The following IL17D variants were observed in gnomAD, a reference collection of about 807,000 sequenced individuals.
The protein encoded by IL17D is interleukin-17D.
A neutral mutation model predicts 5.7 loss-of-function variants in IL17D; 10 were observed. The ratio of observed to expected loss-of-function variants is 1.75; its 90% confidence interval spans 1.08 to 2.97. IL17D has a LOEUF of 2.97. IL17D is among the 30% of genes most tolerant of loss of function. The pLI is 0.00. For synonymous variants in IL17D, 172 were observed against 141.7 expected (o/e 1.21, Z -1.52); for missense variants, 354 against 292.7 (o/e 1.21, Z -1.53).
chr13:20,709,001 C>G (rs970750488), intron 1 of IL17D, among the ~76,000 whole-genome samples: 2 of 149,838 alleles, frequency 1.3e-5, no homozygotes, highest in African/African-American at 4.9e-5. Context: ...AGAAAAGGAC[C>G]AGTGACATCA....
rs918604752 is a variant in IL17D at position 20,704,078 on chromosome 13, C to T, written c.77C>T (p.Ala26Val). 291 of 1,118,258 alleles carry T rather than the reference C, an allele frequency of 2.6e-4. No homozygotes were observed. The highest frequency in any genetic ancestry group is 2.9e-4 in the Non-Finnish European group (269 of 920,394). 69.3% of individuals were successfully genotyped at this position (1,118,258 alleles called of 1,614,324 possible). A position where few individuals can be genotyped will look rare whatever the true frequency, so the allele number is the denominator to read the frequency against. Residue 26 changes from alanine (A) to valine (V), a missense_variant, in exon 1 of 2, where the codon GCG (alanine) becomes GTG (valine). Ala to Val is a moderately conservative substitution (Grantham distance 64, BLOSUM62 0). Transcript: ENST00000682841. ...GCCCCGAGGGCGGGCAGGCGCCCCG[C>T]GCGGCCGCGGGGCTGCGCGGACCGG... ...AGAPRAGRRP[A>V]RPRGCADRPE... is the part of the protein sequence containing the mutation.
At chr13:20,703,269 T>A (rs1482175166), upstream of IL17D, 2 of 985,806 alleles carry the variant, frequency 2.0e-6, no homozygotes, top group Non-Finnish European at 2.4e-6. Context: ...CGTCGCCCCA[T>A]CTCGGCGCGA....
chr13:20,711,884 A>G (rs1262502089), intron 1 of IL17D, among the ~76,000 whole-genome samples: 1 of 152,260 alleles, frequency 6.6e-6, no homozygotes, highest in African/African-American at 2.4e-5. Flanking sequence ...GTCAGATAAA[A>G]TGCTATACAG....
intron 1 of IL17D, chr13:20,714,036 C>CG (rs1342393435): frequency 1.3e-5 from 2 of 152,396 alleles, no homozygotes; most frequent in East Asian, 3.9e-4. Context: ...CAGCTTCCCC[C>CG]GGGCGGAGAG....
At chr13:20,714,495 T>A (rs1486528526) in intron 1 of IL17D, among the ~76,000 whole-genome samples, 1 of 152,250 alleles carries the variant, frequency 6.6e-6, no homozygotes, top group Non-Finnish European at 1.5e-5. Flanking sequence ...CTCAGTTTCC[T>A]CACGAGTGAG....
chr13:20,708,815 T>A (rs1224906175), intron 1 of IL17D, among the ~76,000 whole-genome samples: 7 of 123,828 alleles, frequency 5.7e-5, no homozygotes, highest in African/African-American at 2.2e-4. Context: ...CTGGCTAACA[T>A]GGTGAAACCC....
In IL17D at chr13:20,703,891, A is replaced by C; in HGVS notation, c.-111A>C. On this transcript the variant is annotated 5_prime_UTR_variant, in exon 1 of 2. Coordinates refer to ENST00000682841, the MANE Select transcript of IL17D (RefSeq NM_001385224.1). Reference sequence around the variant, plus strand: ...GGCCGGCCTCTGGCTCCGCGGGGCGAGGGGAGGCGCCCGCCGGCTCCGGGC... The same window carrying C: ...GGCCGGCCTCTGGCTCCGCGGGGCGCGGGGAGGCGCCCGCCGGCTCCGGGC... The C allele has an allele frequency of 4.7e-6, 2 of 424,656 alleles. No homozygotes were observed. The highest frequency in any genetic ancestry group is 6.2e-6 in the Non-Finnish European group (2 of 321,800). The allele number at this position is 424,656 out of a possible 1,614,324, so 26.3% of individuals were successfully genotyped here.
rs2058572047 is a variant in IL17D, at chr13:20,704,269, A to C, written c.268A>C (p.Ser90Arg). ...RRFRPPTNLR[S>R]VSPWAYRISY... ...CTTCCGGCCGCCCACCAACCTGCGCAGCGTGTCGCCCTGGGCCTACAGGTG... is the reference window on the plus strand; with the variant it reads ...CTTCCGGCCGCCCACCAACCTGCGCCGCGTGTCGCCCTGGGCCTACAGGTG... The change falls in exon 1 of 2, where the codon AGC (serine) becomes CGC (arginine). Residue 90 changes from serine (S) to arginine (R), a missense_variant. Transcript: ENST00000682841. The C allele has an allele frequency of 8.2e-7, 1 of 1,226,902 alleles. No individual in the cohort carries two copies. 76.0% of individuals were successfully genotyped at this position (1,226,902 alleles called of 1,614,324 possible). A position where few individuals can be genotyped will look rare whatever the true frequency, so the allele number is the denominator to read the frequency against.
intron 1 of IL17D, among the ~76,000 whole-genome samples, chr13:20,721,262 C>T (rs2058731511): frequency 6.6e-6 from 1 of 152,248 alleles, no homozygotes; most frequent in South Asian, 2.1e-4. Flanking sequence ...GGACGCTCCC[C>T]TCGGGGTCTG....
Position 20,704,096 on chromosome 13 carries a change from C to T in IL17D, c.95C>T (p.Ala32Val). The change falls in exon 1 of 2, where the codon GCG (alanine) becomes GTG (valine). Residue 32 changes from alanine to valine, a missense_variant. Physicochemically the swap from Ala to Val is moderately conservative, Grantham distance 64. Coordinates refer to ENST00000682841, the MANE Select transcript of IL17D (RefSeq NM_001385224.1). ...GRRPARPRGC[A>V]DRPEELLEQL... is the part of the protein sequence containing the mutation. ...CGCCCCGCGCGGCCGCGGGGCTGCG[C>T]GGACCGGCCGGAGGAGCTACTGGAG... is the stretch of plus-strand genomic sequence containing the variant. 8.0e-7 allele frequency: 1 copy of T among 1,242,630 alleles called. No individual in the cohort carries two copies. Among genetic ancestry groups the T allele is most frequent in the Non-Finnish European group, 1.0e-6 (1 of 981,978 alleles). The allele number at this position is 1,242,630 out of a possible 1,614,324, so 77.0% of individuals were successfully genotyped here. A position where few individuals can be genotyped will look rare whatever the true frequency, so the allele number is the denominator to read the frequency against.
rs1270589328 is a variant in IL17D, at chr13:20,722,604, A to C, written c.*650A>C. ...CCGATGGCTGACTGATGAAATGGAC[A>C]CGTCTCATCTGACCCACTCTTCCTT... is the stretch of plus-strand genomic sequence containing the variant. On this transcript the variant is annotated 3_prime_UTR_variant, in exon 2 of 2. Transcript: ENST00000682841. 3.9e-5 allele frequency: 6 copies of C among 152,168 alleles called. No homozygotes were observed. The highest frequency in any genetic ancestry group is 1.3e-4 in the Admixed American group (2 of 15,274). The allele number at this position is 152,168 out of a possible 1,614,324, so 9.4% of individuals were successfully genotyped here.
rs758582022 is a variant in IL17D at position 20,721,863 on chromosome 13, C to T, written c.518C>T (p.Pro173Leu). Residue 173 changes from proline to leucine, a missense_variant, in exon 2 of 2, where the codon CCG becomes CTG. Transcript: ENST00000682841. ...IPVGCTCVPE[P>L]EKDADSINSS... is the part of the protein sequence containing the mutation. ...GTGGGCTGCACCTGCGTCCCCGAGCCGGAGAAGGACGCAGACAGCATCAAC... is the reference window on the plus strand; with the variant it reads ...GTGGGCTGCACCTGCGTCCCCGAGCTGGAGAAGGACGCAGACAGCATCAAC... 1.2e-6 allele frequency: 2 copies of T among 1,610,464 alleles called. No individual in the cohort carries two copies. The highest frequency in any genetic ancestry group is 2.2e-5 in the East Asian group (1 of 44,840).
chr13:20,718,850 C>T (rs1297719651), intron 1 of IL17D, among the ~76,000 whole-genome samples: 2 of 123,986 alleles, frequency 1.6e-5, no homozygotes, highest in Admixed American at 8.3e-5. Context: ...ACACCTGCCC[C>T]CTCACCCACA....
chr13:20,703,170 ACCCCAGGCCCTGGGCGCCCCG>A (rs2058557778), upstream of IL17D: 1 of 548,996 alleles, frequency 1.8e-6, no homozygotes, highest in South Asian at 7.9e-5. Flanking sequence ...TGAGCGCGCG[ACCCCAGGCCCTGGGCGCCCCG>A]CCGCATGCTC....
chr13:20,701,976 A>G (rs2058550364), upstream of IL17D: 1 of 152,226 alleles, frequency 6.6e-6, no homozygotes, highest in Non-Finnish European at 1.5e-5. Context: ...ACTTTGTTGA[A>G]TAACATACAG....
At chr13:20,714,975 T>C (rs1161135002) in intron 1 of IL17D, among the ~76,000 whole-genome samples, 1 of 152,172 alleles carries the variant, frequency 6.6e-6, no homozygotes, top group Non-Finnish European at 1.5e-5. Flanking sequence ...TACCCGGCCC[T>C]GGCCCCACAG....
chr13:20,721,123 G>A (rs1005457615), intron 1 of IL17D, among the ~76,000 whole-genome samples: 5 of 152,144 alleles, frequency 3.3e-5, no homozygotes, highest in South Asian at 2.1e-4. Context: ...CTTCACTCCC[G>A]TGGGAGCCCT....
At position 20,714,297 on chromosome 13, in the gene IL17D, A is replaced by G. The variant is rs186313600; in HGVS notation, c.291-7339A>G. ...AGATGAACGAATTTCCCCAGAATAA[A>G]TGGATTTCCTTGTTGTAGCCTCACT... is the stretch of plus-strand genomic sequence containing the variant. On this transcript the variant is annotated intron_variant, in intron 1 of 1. Transcript: ENST00000682841. Among the ~76,000 whole-genome samples the G allele has an allele frequency of 1.1e-4, 16 of 152,220 alleles. No individual in the cohort carries two copies. The East Asian group carries it at 3.1e-3, about 29-fold the overall frequency.
At chr13:20,717,166 C>T (rs537814327) in intron 1 of IL17D, 1 of 152,404 alleles carries the variant, frequency 6.6e-6, no homozygotes, top group East Asian at 1.9e-4. Context: ...GCCGGGCCAC[C>T]TGTCACTCGC....
Sources: allele counts gnomAD v4.1 joint callset (sites outside exome capture counted in the v4.1 genomes callset), GRCh38; gene constraint gnomAD v4.1.1; transcripts MANE v1.5; gene names NCBI Gene and HGNC (gene_info 2026-07-23, HGNC 2026-07-21).